TGM6: variants seen among roughly 807,000 people sequenced by gnomAD.
TGM6 encodes the protein protein-glutamine gamma-glutamyltransferase 6.
A neutral mutation model predicts 77.5 loss-of-function variants in TGM6; 74 were observed. The ratio of observed to expected loss-of-function variants is 0.96; its 90% CI spans 0.79 to 1.16. The LOEUF is 1.16. Among genes scored for constraint, TGM6 ranks in the 50% most tolerant of loss-of-function variants. The pLI is 0.00. For missense variants in TGM6, 968 were observed against 940.2 expected, an observed-to-expected ratio of 1.03 and a Z score of -0.39; for synonymous variants, 383 against 378.9, an observed-to-expected ratio of 1.01 and a Z score of -0.12.
chr20:2,383,629 T>G (rs974490465), intron 1 of TGM6, among the ~76,000 whole-genome samples: 1 of 152,158 alleles, frequency 6.6e-6, no homozygotes, highest in Non-Finnish European at 1.5e-5. Context: ...CCTCAGTTTC[T>G]CCATAGTGAT....
intron 1 of TGM6, among the ~76,000 whole-genome samples, chr20:2,389,555 A>G (rs1181577307): frequency 6.6e-6 from 1 of 152,142 alleles, no homozygotes; most frequent in Non-Finnish European, 1.5e-5. Flanking sequence ...CTCCCTCTCA[A>G]TATAACAAGT....
intron 9 of TGM6, among the ~76,000 whole-genome samples, chr20:2,404,249 G>A (rs1725639410): frequency 6.6e-6 from 1 of 152,212 alleles, no homozygotes; most frequent in South Asian, 2.1e-4. Flanking sequence ...GCATCTGCCA[G>A]GGCCTGTGCC....
intron 10 of TGM6, among the ~76,000 whole-genome samples, chr20:2,418,627 A>G (rs912987102): frequency 6.6e-6 from 1 of 152,200 alleles, no homozygotes; most frequent in Non-Finnish European, 1.5e-5. Context: ...CAGGTTATGG[A>G]ATGGTCAGGT....
At chr20:2,423,814 G>T (rs997015120) in intron 10 of TGM6, among the ~76,000 whole-genome samples, 1 of 152,168 alleles carries the variant, frequency 6.6e-6, no homozygotes, top group Non-Finnish European at 1.5e-5. Context: ...TAAATAAAAA[G>T]ACTTGAAAGT....
At chr20:2,409,109 G>A (rs1349928632) in intron 9 of TGM6, among the ~76,000 whole-genome samples, 1 of 152,052 alleles carries the variant, frequency 6.6e-6, no homozygotes, top group African/African-American at 2.4e-5. Flanking sequence ...AAACTTAAGA[G>A]GATTGAAATC....
rs1171698031 is a variant in TGM6, at chr20:2,403,653, C to T, written c.1166C>T (p.Pro389Leu). The T allele has an allele frequency of 6.2e-7, 1 of 1,614,198 alleles. No individual in the cohort carries two copies. Among genetic ancestry groups the T allele is most frequent in the East Asian group, 2.2e-5 (1 of 44,890 alleles). Residue 389 changes from proline to leucine, a missense_variant, in exon 9 of 13, where the codon CCC becomes CTC. Physicochemically the swap from Pro to Leu is moderately conservative, Grantham distance 98 (BLOSUM62 -3). Transcript: ENST00000202625. ...GATGTGCACCTGGCTCACGATGGCC[C>T]CTTCGTGTTTGCGGAGGTCAACGCC... ...EGDVHLAHDG[P>L]FVFAEVNADY...
rs374359472 is a variant in TGM6 at position 2,394,329 on chromosome 20, C to T, written c.8-123C>T. The T allele has an allele frequency of 9.4e-5, 106 of 1,122,194 alleles. No homozygotes were observed. The African/African-American group carries it at 1.1e-3, about 12-fold the overall frequency. 69.5% of individuals were successfully genotyped at this position (1,122,194 alleles called of 1,614,324 possible). On this transcript the variant is annotated intron_variant, in intron 1 of 12. Transcript: ENST00000202625. ...AACAAACAAACAAACAGAGAATCGC[C>T]GGTATATGATAAATAGCAGCTGGAT...
chr20:2,410,880 C>T (rs1049074844), intron 9 of TGM6, among the ~76,000 whole-genome samples: 3 of 152,162 alleles, frequency 2.0e-5, no homozygotes, highest in African/African-American at 7.2e-5. Flanking sequence ...TCTAGAAAGA[C>T]ACTTTCTTAC....
At chr20:2,430,623 A>C (rs202060863) in intron 11 of TGM6, 23 bp downstream of exon 11, 7 of 1,613,538 alleles carry the variant, frequency 4.3e-6, no homozygotes, top group Non-Finnish European at 5.9e-6. Flanking sequence ...TGCATCTACC[A>C]TGCTGTTCCT....
At chr20:2,403,941 C>T in intron 9 of TGM6, 118 bp downstream of exon 9, 1 of 1,533,508 alleles carries the variant, frequency 6.5e-7, no homozygotes, top group African/African-American at 1.4e-5. Flanking sequence ...CTGACAGCAG[C>T]TTCCATTCAC....
intron 3 of TGM6, among the ~76,000 whole-genome samples, chr20:2,396,009 C>T (rs761978077): frequency 5.3e-5 from 8 of 151,930 alleles, no homozygotes; most frequent in Middle Eastern, 3.4e-3. Flanking sequence ...GGAGAAATCC[C>T]GTCTCTACTA....
Position 2,394,794 on chromosome 20 carries a change from G to T in TGM6, c.181+169G>T, listed in dbSNP as rs7266902. Among the ~76,000 whole-genome samples the T allele has an allele frequency of 0.12, 18,744 of 152,170 alleles. 1,473 individuals carry two copies. Among genetic ancestry groups the T allele is most frequent in the South Asian group, 0.32 (1,552 of 4,800 alleles). On this transcript the variant is annotated intron_variant, in intron 2 of 12. Transcript: ENST00000202625. ...GGCTTCTGGTGGCAGCTTTCTGGGG[G>T]TGGTTGGGAGGTGCTGCCAGCAGAC...
intron 10 of TGM6, 127 bp downstream of exon 10, chr20:2,417,700 G>A: frequency 9.2e-7 from 1 of 1,088,754 alleles, no homozygotes; most frequent in Non-Finnish European, 1.3e-6. Flanking sequence ...CCTGAGCATT[G>A]TGCTCAGTGC....
Position 2,394,565 on chromosome 20 carries a change from A to G in TGM6, c.121A>G (p.Thr41Ala). The G allele has an allele frequency of 6.2e-7, 1 of 1,612,370 alleles. No individual in the cohort carries two copies. The highest frequency in any genetic ancestry group is 2.2e-5 in the East Asian group (1 of 44,870). The change falls in exon 2 of 13, where the codon ACG becomes GCG. Residue 41 changes from threonine to alanine, a missense_variant. Thr to Ala is a moderately conservative substitution (Grantham distance 58). Transcript: ENST00000202625. ...TCGCAGGGGCCAGTCGTTCAGCCTC[A>G]CGCTGGAGCTGAGCAGAGCCCTGGA... ...VVRRGQSFSLTLELSRALDCE... is the reference protein window; with the variant it reads ...VVRRGQSFSLALELSRALDCE...
intron 1 of TGM6, among the ~76,000 whole-genome samples, chr20:2,384,908 G>A (rs1035639081): frequency 6.6e-6 from 1 of 151,618 alleles, no homozygotes; most frequent in African/African-American, 2.4e-5. Context: ...TGGGCTGGGA[G>A]CTCATCCTGC....
At chr20:2,415,684 G>C (rs1056455877) in intron 9 of TGM6, among the ~76,000 whole-genome samples, 7 of 152,118 alleles carry the variant, frequency 4.6e-5, no homozygotes, top group Non-Finnish European at 7.4e-5. Context: ...ATAAAGGTGA[G>C]AGAAGAGTCA....
chr20:2,407,369 A>C (rs892088393), intron 9 of TGM6, among the ~76,000 whole-genome samples: 4 of 152,222 alleles, frequency 2.6e-5, no homozygotes, highest in Admixed American at 2.0e-4. Context: ...CTGCAATCCC[A>C]GCACTTTGGG....
intron 10 of TGM6, among the ~76,000 whole-genome samples, chr20:2,423,055 A>C (rs1468546462): frequency 6.6e-6 from 1 of 151,706 alleles, no homozygotes; most frequent in East Asian, 2.0e-4. Flanking sequence ...TTAGTTGATA[A>C]AGCAGTGGCA....
At chr20:2,406,279 T>A (rs1015505932) in intron 9 of TGM6, among the ~76,000 whole-genome samples, 2 of 152,130 alleles carry the variant, frequency 1.3e-5, no homozygotes, top group Non-Finnish European at 1.5e-5. Context: ...CTTCTGGAAC[T>A]TAGAACGTGG....
Sources: gnomAD v4.1 joint callset for allele counts (sites outside exome capture counted in the v4.1 genomes callset) on GRCh38, gnomAD v4.1.1 for gene constraint, MANE v1.5 for transcripts, NCBI Gene and HGNC (gene_info 2026-07-23, HGNC 2026-07-21) for gene names.